MRTFB: variants seen among roughly 807,000 people sequenced by gnomAD.
MRTFB encodes the protein myocardin related transcription factor B, also known as myocardin-related transcription factor B.
A neutral mutation model predicts 104.2 loss-of-function variants in MRTFB; 29 were observed. The ratio of observed to expected loss-of-function variants is 0.28; its 90% CI spans 0.21 to 0.38. The LOEUF (loss-of-function observed/expected upper bound fraction) is 0.38, where lower values mean the gene tolerates loss of function less well. Ranked by LOEUF, MRTFB falls within the 10% of genes least tolerant of loss-of-function variation. The probability of loss-of-function intolerance (pLI) is 1.00; values close to 1 mark genes in which losing one functional copy is unlikely to be tolerated. For missense variants in MRTFB, 1,270 were observed against 1,341.6 expected (o/e 0.95, Z 0.83); for synonymous variants, 535 against 519.5 (o/e 1.03, Z -0.41).
In MRTFB at chr16:14,235,389, C is replaced by T. The variant is rs145357569; in HGVS notation, c.831+1106C>T. The stretch of plus-strand genomic sequence containing the variant: ...ATCAGTTTTATACCTCCTCTCCCAA[C>T]ATCCCCACGCATGCAACCCCGACGG... On this transcript the variant is annotated intron_variant, in intron 9 of 16. Transcript: ENST00000571589. Among the ~76,000 whole-genome samples the T allele has an allele frequency of 2.1e-3, 314 of 152,318 alleles. 2 individuals carry two copies. The highest frequency in any genetic ancestry group is 3.4e-3 in the Middle Eastern group (1 of 294).
intron 2 of MRTFB, among the ~76,000 whole-genome samples, chr16:14,085,091 C>T (rs867427946): frequency 2.0e-5 from 3 of 151,992 alleles, no homozygotes; most frequent in Admixed American, 1.3e-4. Context: ...CCAGCCTTGA[C>T]AATATAGCAA....
Position 14,087,499 on chromosome 16 carries a change from A to AAACC in MRTFB, c.-64+8147_-64+8150dup, listed in dbSNP as rs555581886. On this transcript the variant is annotated intron_variant, in intron 2 of 16. Transcript: ENST00000571589. ...ATGTCCAATGTGGGAATATGGCTGAAAACCATCAGTTCCTCCCTTATCATA... is the reference window on the plus strand; with the variant it reads ...ATGTCCAATGTGGGAATATGGCTGAAAACCAACCATCAGTTCCTCCCTTATCATA... 1.9e-3 allele frequency among the ~76,000 whole-genome samples: 282 copies of AAACC among 152,310 alleles called. 10 individuals carry two copies. The South Asian group carries it at 0.057, about 31-fold the overall frequency.
chr16:14,122,153 C>T lies in MRTFB; in HGVS notation c.-63-18391C>T, dbSNP rs189012046. On this transcript the variant is annotated intron_variant, in intron 2 of 16. Coordinates refer to ENST00000571589, the MANE Select transcript of MRTFB (RefSeq NM_001308142.2). ...TTTCTATGTAAGTGTTATATATATA[C>T]ACATAGGACATTCTGTTCAGCAGTT... Among the ~76,000 whole-genome samples the T allele has an allele frequency of 4.2e-3, 641 of 152,134 alleles. 8 individuals are homozygous for T. The highest frequency in any genetic ancestry group is 0.015 in the African/African-American group (607 of 41,528).
chr16:14,004,127 T>G, the MRTFB span, among the ~76,000 whole-genome samples: 1 of 152,078 alleles, frequency 6.6e-6, no homozygotes, highest in Admixed American at 6.6e-5. Context: ...AGGAGCTCCT[T>G]GGAGAAGCCA....
At position 14,261,873 on chromosome 16, in the gene MRTFB, G is replaced by A. The variant is rs1156775090; in HGVS notation, c.*429G>A. On this transcript the variant is annotated 3_prime_UTR_variant, in exon 17 of 17. Coordinates refer to ENST00000571589, the MANE Select transcript of MRTFB (RefSeq NM_001308142.2). Reference sequence around the variant, plus strand: ...CAAAAACTAAGGCTGATGTGAGGGAGGTGAGAGGTCACTGCACTTGGTACT... The same window carrying A: ...CAAAAACTAAGGCTGATGTGAGGGAAGTGAGAGGTCACTGCACTTGGTACT... 1.3e-5 allele frequency: 2 copies of A among 156,404 alleles called. No individual in the cohort carries two copies. The highest frequency in any genetic ancestry group is 2.0e-4 in the South Asian group (1 of 5,054). 9.7% of individuals were successfully genotyped at this position (156,404 alleles called of 1,614,324 possible). A position where few individuals can be genotyped will look rare whatever the true frequency, so the allele number is the denominator to read the frequency against.
chr16:14,217,263 T>A lies in MRTFB; in HGVS notation c.490T>A (p.Ser164Thr), dbSNP rs1316732252. ...AGAGAAAAACATCCTTCCTGTGGACTCCAGTGTTAAAGAAGCAATTATAGG... is the reference window on the plus strand; with the variant it reads ...AGAGAAAAACATCCTTCCTGTGGACACCAGTGTTAAAGAAGCAATTATAGG... ...LVEKNILPVDSSVKEAIIGVG... is the reference protein window; with the variant it reads ...LVEKNILPVDTSVKEAIIGVG... The change falls in exon 7 of 17, where the codon TCC (serine) becomes ACC (threonine). Residue 164 changes from serine to threonine, a missense_variant. This residue lies in a region of MRTFB where 64 missense variants were observed against 152.9 expected (regional missense o/e 0.42). Transcript: ENST00000571589. 6.2e-7 allele frequency: 1 copy of A among 1,609,454 alleles called. No individual in the cohort carries two copies. The highest frequency in any genetic ancestry group is 1.7e-5 in the Admixed American group (1 of 59,156).
chr16:14,229,363 T>G (rs375486143), intron 8 of MRTFB, among the ~76,000 whole-genome samples: 4 of 152,364 alleles, frequency 2.6e-5, no homozygotes, highest in African/African-American at 9.6e-5. Flanking sequence ...TCATTTTATT[T>G]GGGGATTAGA....
At chr16:14,233,342 G>C (rs1474333697) in intron 8 of MRTFB, among the ~76,000 whole-genome samples, 2 of 152,186 alleles carry the variant, frequency 1.3e-5, no homozygotes, top group Non-Finnish European at 2.9e-5. Flanking sequence ...GAGGAACAGA[G>C]GGTGTAAAGC....
At chr16:14,022,947 C>T in the MRTFB span, among the ~76,000 whole-genome samples, 1,148 of 152,022 alleles carry the variant, frequency 7.6e-3, 82 homozygotes, top group East Asian at 0.17. Context: ...CCACCGGCCT[C>T]GGCCTCCCAA....
At chr16:14,259,892 CAATT>C (rs1220299165) in intron 16 of MRTFB, among the ~76,000 whole-genome samples, 1 of 152,240 alleles carries the variant, frequency 6.6e-6, no homozygotes, top group African/African-American at 2.4e-5. Context: ...ACACAGTTGA[CAATT>C]CATTTATAGG....
chr16:14,252,397 C>T lies in MRTFB; in HGVS notation c.2598C>T (p.Val866=), dbSNP rs781580712. 9.2e-5 allele frequency: 149 copies of T among 1,613,334 alleles called. No homozygotes were observed. The highest frequency in any genetic ancestry group is 4.9e-4 in the Middle Eastern group (3 of 6,084). The part of the protein sequence containing the change: ...PSSPPPPQQF[V]VQHSLFGSPV... ...CACCCCCGCCACCCCAGCAATTTGT[C>T]GTCCAGCACTCTCTATTTGGGAGTC... Residue 866 remains valine (V), a synonymous_variant, in exon 15 of 17, where the codon GTC becomes GTT. Transcript: ENST00000571589.
intron 2 of MRTFB, among the ~76,000 whole-genome samples, chr16:14,079,558 A>G (rs1348583507): frequency 6.6e-6 from 1 of 152,116 alleles, no homozygotes; most frequent in Non-Finnish European, 1.5e-5. Context: ...ACCTCTTCGA[A>G]TCTAATCTTT....
In MRTFB at chr16:14,247,102, G is replaced by A. The variant is rs368545333; in HGVS notation, c.1842G>A (p.Leu614=). Reference sequence around the variant, plus strand: ...AACGAGGGCAGCAGCAGCGGCCCCTGGAAGCCCAGCCCAGTGCCCCAGGTC... The same window carrying A: ...AACGAGGGCAGCAGCAGCGGCCCCTAGAAGCCCAGCCCAGTGCCCCAGGTC... The part of the protein sequence containing the change: ...VEKRGQQQRP[L]EAQPSAPGHS... The change falls in exon 12 of 17, where the codon CTG becomes CTA. Residue 614 remains leucine, a synonymous_variant. Transcript: ENST00000571589. 5 of 1,614,076 alleles carry A rather than the reference G, an allele frequency of 3.1e-6. No homozygotes were observed. In the African/African-American group the frequency reaches 6.7e-5, roughly 22 times the overall value.
intron 3 of MRTFB, among the ~76,000 whole-genome samples, chr16:14,145,965 T>C (rs1405119565): frequency 1.3e-5 from 2 of 152,252 alleles, no homozygotes; most frequent in African/African-American, 4.8e-5. Context: ...GGAGAAGCTG[T>C]TCCTTCCTGA....
chr16:14,021,305 G>C, the MRTFB span, among the ~76,000 whole-genome samples: 4 of 152,184 alleles, frequency 2.6e-5, no homozygotes, highest in Non-Finnish European at 5.9e-5. Flanking sequence ...TTTTCTGCTG[G>C]GGGCTGGTCT....
the MRTFB span, among the ~76,000 whole-genome samples, chr16:14,016,642 G>A: frequency 1.8e-4 from 27 of 151,838 alleles, no homozygotes; most frequent in African/African-American, 5.6e-4. Flanking sequence ...GAGTGGCGGC[G>A]CATGCCTGTA....
At chr16:14,234,394 G>C (rs1256935231) in intron 9 of MRTFB, 111 bp downstream of exon 9, 11 of 1,301,412 alleles carry the variant, frequency 8.5e-6, no homozygotes, top group Non-Finnish European at 1.1e-5. Context: ...CTGCCTTTTA[G>C]CCCAAAGTCT....
At chr16:14,077,844 A>G (rs1412328078) in intron 1 of MRTFB, among the ~76,000 whole-genome samples, 1 of 152,212 alleles carries the variant, frequency 6.6e-6, no homozygotes, top group Non-Finnish European at 1.5e-5. Flanking sequence ...TCAAAAAAGA[A>G]AAAAAGAAAG....
the MRTFB span, among the ~76,000 whole-genome samples, chr16:14,048,692 T>C: frequency 6.6e-6 from 1 of 152,230 alleles, no homozygotes; most frequent in Non-Finnish European, 1.5e-5. Flanking sequence ...AAAGGAATTA[T>C]TGGGGCAGAA....
Sources: gnomAD v4.1 joint callset for allele counts (sites outside exome capture counted in the v4.1 genomes callset) on GRCh38, gnomAD v4.1.1 for gene constraint, gnomAD v4.1.1 regional missense constraint, MANE v1.5 for transcripts, NCBI Gene and HGNC (gene_info 2026-07-23, HGNC 2026-07-21) for gene names.